Variants in MTO1 observed in about 807,000 individuals in gnomAD.
The protein encoded by MTO1 is mitochondrial tRNA translation optimization 1, also known as 5-taurinomethyluridine-[tRNA] synthase subunit MTO1, mitochondrial.
A neutral mutation model predicts 71.6 loss-of-function variants in MTO1; 46 were observed. That is an observed-to-expected ratio of 0.64 (90% CI 0.51 to 0.82). The LOEUF (loss-of-function observed/expected upper bound fraction) is 0.82, where lower values mean the gene tolerates loss of function less well. MTO1 is among the 40% of genes least tolerant of loss of function. The pLI is 0.00. For missense variants in MTO1, 773 were observed against 867.5 expected (o/e 0.89, Z 1.37); for synonymous variants, 297 against 312.1 (o/e 0.95, Z 0.51).
At chr6:73,465,843 G>A (rs1475176724) in intron 1 of MTO1, among the ~76,000 whole-genome samples, 2 of 152,062 alleles carry the variant, frequency 1.3e-5, no homozygotes, top group African/African-American at 4.8e-5. Context: ...AATTAGCCAG[G>A]CGTGGTGCCG....
intron 1 of MTO1, 186 bp downstream of exon 1, chr6:73,462,257 C>T (rs1358485113): frequency 7.8e-6 from 5 of 638,112 alleles, no homozygotes; most frequent in South Asian, 5.9e-5. Flanking sequence ...CTATATTAGT[C>T]TATTCTGCGA....
chr6:73,494,864 C>T (rs1002488157), intron 10 of MTO1, among the ~76,000 whole-genome samples: 4 of 151,290 alleles, frequency 2.6e-5, no homozygotes, highest in Admixed American at 6.6e-5. Flanking sequence ...ACTGCAACCT[C>T]GGCCTCCTGG....
At position 73,461,763 on chromosome 6, in the gene MTO1, A is replaced by T; in HGVS notation, c.-92A>T. 1 of 1,386,416 alleles carries T rather than the reference A, an allele frequency of 7.2e-7. No individual in the cohort carries two copies. Among genetic ancestry groups the T allele is most frequent in the Non-Finnish European group, 1.0e-6 (1 of 1,002,506 alleles). 85.9% of individuals were successfully genotyped at this position (1,386,416 alleles called of 1,614,324 possible). A position where few individuals can be genotyped will look rare whatever the true frequency, so the allele number is the denominator to read the frequency against. ...TCCTACCCCGTGATATTAAAGCAAG[A>T]TGGCCGCGCCCTGCAGATTGTCTCT... is the stretch of plus-strand genomic sequence containing the variant. On this transcript the variant is annotated 5_prime_UTR_variant, in exon 1 of 12. It removes an upstream start codon present in the reference 5' UTR. Coordinates refer to ENST00000498286, the MANE Select transcript of MTO1 (RefSeq NM_012123.4).
chr6:73,480,995 A>C, intron 7 of MTO1, 190 bp downstream of exon 7: 1 of 443,918 alleles, frequency 2.3e-6, no homozygotes, highest in South Asian at 2.3e-5. Flanking sequence ...TTTTTTTTTG[A>C]GACAGAGTGT....
At chr6:73,480,653 A>C (rs972218527) in intron 6 of MTO1, 22 bp from the exon 7 acceptor site, 2 of 1,612,528 alleles carry the variant, frequency 1.2e-6, no homozygotes, top group African/African-American at 2.7e-5. Context: ...TTACTTATTT[A>C]ATGTCTTTGT....
chr6:73,494,449 C>T (rs961813319), intron 10 of MTO1, among the ~76,000 whole-genome samples: 28 of 151,854 alleles, frequency 1.8e-4, no homozygotes, highest in South Asian at 4.2e-4. Context: ...ATGCTGCATT[C>T]CTTCTAGCAG....
intron 2 of MTO1, 28 bp from the exon 3 acceptor site, chr6:73,466,461 T>G (rs759524894): frequency 6.2e-7 from 1 of 1,613,286 alleles, no homozygotes; most frequent in Admixed American, 1.7e-5. Flanking sequence ...TTAATTACCA[T>G]GTTTCAACTG....
intron 10 of MTO1, among the ~76,000 whole-genome samples, chr6:73,492,995 T>TGTGTGTGTGTGTGTA (rs540252865): frequency 2.3e-4 from 17 of 73,312 alleles, no homozygotes; most frequent in African/African-American, 7.2e-4. Flanking sequence ...TGTGTGTGTA[T>TGTGTGTGTGTGTGTA]TTTTTTTTTT....
intron 7 of MTO1, among the ~76,000 whole-genome samples, chr6:73,481,343 A>C (rs1561946540): frequency 2.0e-5 from 3 of 152,132 alleles, no homozygotes; most frequent in Admixed American, 6.6e-5. Flanking sequence ...ATTGCTTGTG[A>C]AGTTTAAAAT....
chr6:73,466,570 C>T lies in MTO1; in HGVS notation c.499C>T (p.His167Tyr), dbSNP rs1319311955. Residue 167 changes from histidine (H) to tyrosine (Y), a missense_variant, in exon 3 of 12, where the codon CAC (histidine) becomes TAC (tyrosine). Transcript: ENST00000498286. ...TATTCTTACAGAACCAGAGCCTGAA[C>T]ACACTGGGAAATGCCGTGTCAGTGG... ...DLILTEPEPE[H>Y]TGKCRVSGVV... The T allele has an allele frequency of 6.2e-7, 1 of 1,614,108 alleles. No homozygotes were observed. The highest frequency in any genetic ancestry group is 2.2e-5 in the East Asian group (1 of 44,878).
intron 1 of MTO1, 76 bp downstream of exon 1, chr6:73,462,147 G>A (rs1425136958): frequency 9.4e-6 from 14 of 1,485,474 alleles, no homozygotes; most frequent in Middle Eastern, 2.3e-4. Context: ...GTCTGAAGCG[G>A]GGGACCTCTT....
chr6:73,480,111 A>T lies in MTO1; in HGVS notation c.1114A>T (p.Lys372Ter). The part of the protein sequence containing the change: ...ITCIRGLEKA[K>*]VIQPGYGVQY... ...ATGCATCAGAGGCTTGGAGAAAGCT[A>T]AAGTGATTCAGCCAGGTAAAGAAGA... Residue 372 changes from lysine (K) to a stop codon, truncating the protein, a stop_gained, in exon 6 of 12, where the codon AAA becomes TAA. Coordinates refer to ENST00000498286, the MANE Select transcript of MTO1 (RefSeq NM_012123.4). LOFTEE classifies it high-confidence loss of function. The T allele has an allele frequency of 6.2e-7, 1 of 1,613,958 alleles. No homozygotes were observed. The highest frequency in any genetic ancestry group is 8.5e-7 in the Non-Finnish European group (1 of 1,179,942).
chr6:73,485,441 CTTTT>C (rs1234020094), intron 9 of MTO1, among the ~76,000 whole-genome samples: 3 of 142,130 alleles, frequency 2.1e-5, no homozygotes, highest in Non-Finnish European at 3.1e-5. Flanking sequence ...TTCTTTCTTT[CTTTT>C]TTTTTTTTTT....
chr6:73,487,986 A>G (rs1282351177), intron 9 of MTO1: 2 of 152,068 alleles, frequency 1.3e-5, no homozygotes, highest in Non-Finnish European at 2.9e-5. Context: ...ATACTCACCA[A>G]CAGTTGTCAT....
At chr6:73,487,542 G>A (rs186383485) in intron 9 of MTO1, 1 of 136,582 alleles carries the variant, frequency 7.3e-6, no homozygotes, top group Admixed American at 7.4e-5. Context: ...TGTGGTAGTT[G>A]TAGGTCTCTG....
At chr6:73,493,487 T>C (rs1398069031) in intron 10 of MTO1, among the ~76,000 whole-genome samples, 1 of 151,652 alleles carries the variant, frequency 6.6e-6, no homozygotes, top group Non-Finnish European at 1.5e-5. Flanking sequence ...ACCTCCCAGG[T>C]TCATGCAATT....
At position 73,508,353 on chromosome 6, in the gene MTO1, CT is replaced by C. The variant is rs1582708262; in HGVS notation, c.*7622del. 1 of 152,214 alleles carries C rather than the reference CT, an allele frequency of 6.6e-6. No individual in the cohort carries two copies. Among genetic ancestry groups the C allele is most frequent in the East Asian group, 1.9e-4 (1 of 5,192 alleles). The allele number at this position is 152,214 out of a possible 1,614,324, so 9.4% of individuals were successfully genotyped here. A position where few individuals can be genotyped will look rare whatever the true frequency, so the allele number is the denominator to read the frequency against. ...TTATGTTGGTTGCTTTTAGAATTCTCTTTTAGAGTTGGTCTACATCCTTTTA... is the reference window on the plus strand; with the variant it reads ...TTATGTTGGTTGCTTTTAGAATTCTCTTTAGAGTTGGTCTACATCCTTTTA... On this transcript the variant is annotated 3_prime_UTR_variant, in exon 12 of 12. Transcript: ENST00000498286.
At chr6:73,463,759 A>G (rs1434990623) in intron 1 of MTO1, among the ~76,000 whole-genome samples, 2 of 151,782 alleles carry the variant, frequency 1.3e-5, no homozygotes, top group African/African-American at 2.4e-5. Context: ...TTCATTTTTG[A>G]GACAGAGTTT....
At chr6:73,478,324 A>T (rs1771388839) in intron 4 of MTO1, among the ~76,000 whole-genome samples, 1 of 151,926 alleles carries the variant, frequency 6.6e-6, no homozygotes, top group South Asian at 2.1e-4. Context: ...TCTCACCTGT[A>T]ATACCAGCAC....
Sources: allele counts gnomAD v4.1 joint callset (sites outside exome capture counted in the v4.1 genomes callset), GRCh38; gene constraint gnomAD v4.1.1; transcripts MANE v1.5; gene names NCBI Gene and HGNC (gene_info 2026-07-23, HGNC 2026-07-21).